THOC2: variants seen among roughly 807,000 people sequenced by gnomAD.
THOC2 encodes THO complex 2.
Under a neutral mutation model 128.4 loss-of-function variants are expected in THOC2, and 10 were observed. That is an observed-to-expected ratio of 0.08 (90% CI 0.05 to 0.13). THOC2 has a LOEUF of 0.13. Ranked by LOEUF, THOC2 falls within the 10% of genes least tolerant of loss-of-function variation. The pLI is 1.00. For missense variants in THOC2, 535 were observed against 1,155.7 expected (o/e 0.46, Z 7.79); for synonymous variants, 393 against 396.9 (o/e 0.99, Z 0.12).
chrX:123,723,501 T>A (rs1286530752), intron 1 of THOC2, among the ~76,000 whole-genome samples: 2 of 111,124 alleles, frequency 1.8e-5, no homozygotes, highest in Non-Finnish European at 3.8e-5. Flanking sequence ...GCACTGTTAG[T>A]AATAGCCAAA....
chrX:123,649,823 C>T (rs769685052), intron 12 of THOC2, among the ~76,000 whole-genome samples: 15 of 111,549 alleles, frequency 1.3e-4, no homozygotes, highest in Non-Finnish European at 2.4e-4. Context: ...ACCAAACCTA[C>T]GTTTGATTGG....
At chrX:123,700,018 T>C (rs957437913) in intron 4 of THOC2, among the ~76,000 whole-genome samples, 7 of 111,245 alleles carry the variant, frequency 6.3e-5, no homozygotes, top group African/African-American at 2.3e-4. Context: ...CTGACTCCTT[T>C]ACCTCGAATA....
chrX:123,656,112 C>T (rs2048562523), intron 12 of THOC2, among the ~76,000 whole-genome samples: 1 of 107,848 alleles, frequency 9.3e-6, no homozygotes, highest in Admixed American at 1.0e-4. Flanking sequence ...CACCTGAGGT[C>T]AGGAGTTCCA....
chrX:123,679,843 T>C (rs1331102976), intron 8 of THOC2, among the ~76,000 whole-genome samples: 1 of 112,422 alleles, frequency 8.9e-6, no homozygotes, highest in African/African-American at 3.2e-5. Context: ...TTAAGGGCTG[T>C]GCAAGGTGTG....
chrX:123,700,733 T>C (rs945287969), intron 4 of THOC2, among the ~76,000 whole-genome samples: 3 of 111,939 alleles, frequency 2.7e-5, no homozygotes, highest in African/African-American at 9.7e-5. Context: ...AAATCACAGC[T>C]TCGCTGAACC....
chrX:123,730,413 G>A (rs771316081), intron 1 of THOC2, among the ~76,000 whole-genome samples: 2 of 110,136 alleles, frequency 1.8e-5, no homozygotes, highest in South Asian at 3.8e-4. Context: ...CCTGACCTCA[G>A]GTGATCCACC....
chrX:123,632,147 A>T (rs912215432), intron 21 of THOC2, among the ~76,000 whole-genome samples: 1 of 111,265 alleles, frequency 9.0e-6, no homozygotes. Context: ...AGGCAAACAG[A>T]AGTCAATTCC....
At chrX:123,674,084 T>C (rs1272009702) in intron 8 of THOC2, among the ~76,000 whole-genome samples, 2 of 112,045 alleles carry the variant, frequency 1.8e-5, no homozygotes, top group African/African-American at 3.2e-5. Flanking sequence ...ATGTTCTATA[T>C]ATATAACGTT....
chrX:123,732,846 G>A, intron 1 of THOC2, 106 bp downstream of exon 1: 3 of 888,414 alleles, frequency 3.4e-6, no homozygotes, highest in Non-Finnish European at 5.0e-6. Context: ...CGCCCGGGTG[G>A]GGGAGGGGGT....
intron 1 of THOC2, among the ~76,000 whole-genome samples, chrX:123,717,509 G>A (rs1461421193): frequency 9.0e-6 from 1 of 111,061 alleles, no homozygotes; most frequent in Non-Finnish European, 1.9e-5. Flanking sequence ...GCTATCAAAT[G>A]CTGATGAAAG....
At chrX:123,625,804 G>T in intron 25 of THOC2, 108 bp downstream of exon 25, 2 of 831,672 alleles carry the variant, frequency 2.4e-6, no homozygotes, top group Non-Finnish European at 3.5e-6. Flanking sequence ...TCAGACACTT[G>T]GTTCTTGAGT....
chrX:123,603,062 C>G (rs2046341721), intron 38 of THOC2: 1 of 105,518 alleles, frequency 9.5e-6, no homozygotes, highest in African/African-American at 3.5e-5. Context: ...AATTTTATCT[C>G]AATTGTTTAA....
intron 1 of THOC2, among the ~76,000 whole-genome samples, chrX:123,723,046 G>C (rs2051776559): frequency 9.0e-6 from 1 of 110,533 alleles, no homozygotes; most frequent in African/African-American, 3.3e-5. Context: ...AGGTGTGGTG[G>C]CACACACCTG....
At chrX:123,641,766 T>C (rs1264731439) in intron 15 of THOC2, among the ~76,000 whole-genome samples, 4 of 111,785 alleles carry the variant, frequency 3.6e-5, no homozygotes, top group Non-Finnish European at 7.5e-5. Flanking sequence ...AAACTACCAG[T>C]GTCTAGCATA....
chrX:123,623,700 A>C (rs773900212), intron 28 of THOC2, 87 bp downstream of exon 28: 191 of 1,199,687 alleles, frequency 1.6e-4, no homozygotes, highest in Middle Eastern at 2.3e-4. Flanking sequence ...GCAGAAGATA[A>C]ACTTCAACAC....
In THOC2 at chrX:123,673,150, A is replaced by T. The variant is rs57778506; in HGVS notation, c.769-1389T>A. On this transcript the variant is annotated intron_variant, in intron 8 of 38. Coordinates refer to ENST00000245838, the MANE Select transcript of THOC2 (RefSeq NM_001081550.2). ...GGTCAGGAGTTCGAGACCAGCCCGGACAACACAATGAAACCCCGTCTCTCC... is the reference window on the plus strand; with the variant it reads ...GGTCAGGAGTTCGAGACCAGCCCGGTCAACACAATGAAACCCCGTCTCTCC... Among the ~76,000 whole-genome samples, 1,067 of 111,308 alleles carry T rather than the reference A, an allele frequency of 9.6e-3. 19 individuals carry two copies. The highest frequency in any genetic ancestry group is 0.033 in the African/African-American group (1,022 of 30,592).
At chrX:123,608,143 G>A (rs2046550417) in intron 38 of THOC2, among the ~76,000 whole-genome samples, 1 of 111,451 alleles carries the variant, frequency 9.0e-6, no homozygotes, top group Non-Finnish European at 1.9e-5. Context: ...GCTCACGTCT[G>A]TAATGCCAGC....
intron 15 of THOC2, 100 bp downstream of exon 15, chrX:123,644,475 T>C (rs1042629755): frequency 1.2e-5 from 7 of 564,238 alleles, no homozygotes; most frequent in Admixed American, 3.7e-5. Flanking sequence ...TCACAACACA[T>C]AGGCTTTCCC....
At chrX:123,607,788 T>C (rs186832231) in intron 38 of THOC2, among the ~76,000 whole-genome samples, 36 of 110,639 alleles carry the variant, frequency 3.3e-4, no homozygotes, top group Middle Eastern at 9.2e-3. Context: ...GTCCTTTCTA[T>C]AGAATAGAAA....
Sources: allele counts gnomAD v4.1 joint callset (sites outside exome capture counted in the v4.1 genomes callset), GRCh38; gene constraint gnomAD v4.1.1; transcripts MANE v1.5; gene names NCBI Gene and HGNC (gene_info 2026-07-23, HGNC 2026-07-21).